The following SART1 variants were observed in gnomAD, a reference collection of about 807,000 sequenced individuals.
SART1 encodes U4/U6.U5 tri-snRNP-associated protein 1.
In SART1, 28 loss-of-function variants were observed where a neutral mutation model predicts 105.0. The observed-to-expected ratio is 0.27, with a 90% CI of 0.20 to 0.37. SART1 has a LOEUF of 0.37. SART1 is among the 10% of genes least tolerant of loss of function. The pLI is 1.00. For synonymous variants in SART1, 472 were observed against 462.9 expected (o/e 1.02, Z -0.25); for missense variants, 894 against 1,106.5 (o/e 0.81, Z 2.72).
Position 65,979,384 on chromosome 11 carries a change from G to A in SART1, c.*354G>A. 3 of 376,038 alleles carry A rather than the reference G, an allele frequency of 8.0e-6. No homozygotes were observed. The highest frequency in any genetic ancestry group is 2.9e-5 in the South Asian group (1 of 35,034). 23.3% of individuals were successfully genotyped at this position (376,038 alleles called of 1,614,324 possible). On this transcript the variant is annotated 3_prime_UTR_variant, in exon 20 of 20. Coordinates refer to ENST00000312397, the MANE Select transcript of SART1 (RefSeq NM_005146.5). ...GGTCACTGTCCTGTAATGTCTCCCGGTCAGGGCAGCCCAGGACTGCCCAGC... is the reference window on the plus strand; with the variant it reads ...GGTCACTGTCCTGTAATGTCTCCCGATCAGGGCAGCCCAGGACTGCCCAGC...
intron 1 of SART1, among the ~76,000 whole-genome samples, chr11:65,962,680 T>C (rs1855171429): frequency 6.6e-6 from 1 of 152,218 alleles, no homozygotes; most frequent in South Asian, 2.1e-4. Flanking sequence ...ATCCGTATTT[T>C]GTAAACATCA....
rs1320173762 is a variant in SART1, at chr11:65,978,250, C to T, written c.2173-350C>T. The T allele has an allele frequency of 4.0e-6, 2 of 497,598 alleles. No individual in the cohort carries two copies. The highest frequency in any genetic ancestry group is 2.2e-5 in the South Asian group (1 of 45,772). The allele number at this position is 497,598 out of a possible 1,614,324, so 30.8% of individuals were successfully genotyped here. ...CCTTCCAGCACTCTCGTAGGCCGCCCGACCGTCCTGCCCTACCACTCAGCT... is the reference window on the plus strand; with the variant it reads ...CCTTCCAGCACTCTCGTAGGCCGCCTGACCGTCCTGCCCTACCACTCAGCT... On this transcript the variant is annotated intron_variant, in intron 17 of 19. Transcript: ENST00000312397. This position sits in a 1 kb window ranked among gnomAD's most constrained non-coding sequence, Gnocchi z 6.8.
In SART1 at chr11:65,967,395, CA is replaced by C. The variant is rs1481732849; in HGVS notation, c.1313+13del. The C allele has an allele frequency of 1.2e-6, 2 of 1,613,834 alleles. No individual in the cohort carries two copies. The highest frequency in any genetic ancestry group is 1.7e-6 in the Non-Finnish European group (2 of 1,179,932). ...GACTTTGGTTCCAGGTGGGCTTGGA[CA>C]CGGTGGTGGGGCGAGATGGCTGGGC... On this transcript the variant is annotated intron_variant, in intron 10 of 19. Transcript: ENST00000312397.
Position 65,978,662 on chromosome 11 carries a change from G to T in SART1, c.2235G>T (p.Arg745=). 1.9e-6 allele frequency: 3 copies of T among 1,599,202 alleles called. No homozygotes were observed. Among genetic ancestry groups the T allele is most frequent in the Non-Finnish European group, 2.6e-6 (3 of 1,173,140 alleles). The part of the protein sequence containing the change: ...GKGSGKMKTE[R]RMKKLDEEAL... Reference sequence around the variant, plus strand: ...GCTCAGGCAAGATGAAGACAGAGCGGCGGATGAAGAAGCTGGACGAGGAGG... The same window carrying T: ...GCTCAGGCAAGATGAAGACAGAGCGTCGGATGAAGAAGCTGGACGAGGAGG... The change falls in exon 18 of 20, where the codon CGG becomes CGT. Residue 745 remains arginine, a synonymous_variant. Transcript: ENST00000312397. The surrounding 1 kb of genome is among the most constrained non-coding windows in gnomAD (Gnocchi z 6.8).
In SART1 at chr11:65,980,035, C is replaced by T. The variant is rs1167163587; in HGVS notation, c.*1005C>T. Among the ~76,000 whole-genome samples, 1 of 152,154 alleles carries T rather than the reference C, an allele frequency of 6.6e-6. No homozygotes were observed. The highest frequency in any genetic ancestry group is 1.9e-4 in the East Asian group (1 of 5,160). ...TGCTGAGGTGGGAGGATCACTTGAA[C>T]CTGGGAGACACAGGCTGCAGTGGGC... On this transcript the variant is annotated 3_prime_UTR_variant, in exon 20 of 20. Coordinates refer to ENST00000312397, the MANE Select transcript of SART1 (RefSeq NM_005146.5).
At position 65,976,603 on chromosome 11, in the gene SART1, C is replaced by CGGCTGGGTG; in HGVS notation, c.1746+42_1747-38dup. 2 of 1,613,530 alleles carry CGGCTGGGTG rather than the reference C, an allele frequency of 1.2e-6. No homozygotes were observed. The highest frequency in any genetic ancestry group is 1.7e-6 in the Non-Finnish European group (2 of 1,179,888). On this transcript the variant is annotated intron_variant, in intron 13 of 19. Coordinates refer to ENST00000312397, the MANE Select transcript of SART1 (RefSeq NM_005146.5). The surrounding 1 kb of genome is among the most constrained non-coding windows in gnomAD (Gnocchi z 5.1). Reference sequence around the variant, plus strand: ...GGGCGGCCCCGCCCTCTGCTTCCCTCGGCTGGGTGGGCTGGCTGGGGCCTG... The same window carrying CGGCTGGGTG: ...GGGCGGCCCCGCCCTCTGCTTCCCTCGGCTGGGTGGGCTGGGTGGGCTGGCTGGGGCCTG...
chr11:65,976,976 G>A lies in SART1; in HGVS notation c.1858-38G>A. On this transcript the variant is annotated intron_variant, in intron 14 of 19. Coordinates refer to ENST00000312397, the MANE Select transcript of SART1 (RefSeq NM_005146.5). This position sits in a 1 kb window ranked among gnomAD's most constrained non-coding sequence, Gnocchi z 5.1. Reference sequence around the variant, plus strand: ...CAGTGGGTGGGGCTGAGAAGAGCCGGTATGGCCTGCTAACCACCCCCGCCA... The same window carrying A: ...CAGTGGGTGGGGCTGAGAAGAGCCGATATGGCCTGCTAACCACCCCCGCCA... The A allele has an allele frequency of 6.5e-7, 1 of 1,532,424 alleles. No homozygotes were observed. The highest frequency in any genetic ancestry group is 9.0e-7 in the Non-Finnish European group (1 of 1,106,104). 94.9% of individuals were successfully genotyped at this position (1,532,424 alleles called of 1,614,324 possible). A position where few individuals can be genotyped will look rare whatever the true frequency, so the allele number is the denominator to read the frequency against.
At chr11:65,965,004 TGAGCTGGAA>T in intron 3 of SART1, 79 bp from the exon 4 acceptor site, 3 of 1,479,644 alleles carry the variant, frequency 2.0e-6, no homozygotes, top group Non-Finnish European at 2.7e-6. Flanking sequence ...TCTGGCCCCC[TGAGCTGGAA>T]GGGGGCAGGG....
chr11:65,967,792 C>T lies in SART1; in HGVS notation c.1543C>T (p.Leu515=). 6.5e-7 allele frequency: 1 copy of T among 1,547,158 alleles called. No homozygotes were observed. The change falls in exon 12 of 20, where the codon CTA becomes TTA. Residue 515 remains leucine, a synonymous_variant. Transcript: ENST00000312397. Reference sequence around the variant, plus strand: ...ACGCCGGCTGCGACAGTTACAGCAGCTACAGCAGCTGCGAGACAGTGGCGA... The same window carrying T: ...ACGCCGGCTGCGACAGTTACAGCAGTTACAGCAGCTGCGAGACAGTGGCGA... ...KGRRLRQLQQ[L]QQLRDSGEKV...
chr11:65,962,164 C>T (rs962409093), intron 1 of SART1, 71 bp downstream of exon 1: 2 of 1,148,150 alleles, frequency 1.7e-6, no homozygotes, highest in Non-Finnish European at 2.3e-6. Flanking sequence ...TGGGTGTGCG[C>T]GCAGTGTCAG....
chr11:65,979,158 G>T lies in SART1; in HGVS notation c.*128G>T, dbSNP rs1175919746. On this transcript the variant is annotated 3_prime_UTR_variant, in exon 20 of 20. Transcript: ENST00000312397. ...TTGGTTGGGTGTGGCACAGAGTCTG[G>T]CTCCTGCTAGGTGAGACCTGGCCAT... The T allele has an allele frequency of 1.4e-5, 17 of 1,243,342 alleles. No homozygotes were observed. The highest frequency in any genetic ancestry group is 2.0e-5 in the Non-Finnish European group (17 of 871,702). The allele number at this position is 1,243,342 out of a possible 1,614,324, so 77.0% of individuals were successfully genotyped here. A position where few individuals can be genotyped will look rare whatever the true frequency, so the allele number is the denominator to read the frequency against.
In SART1 at chr11:65,976,293, TGGCCTGTCTG is replaced by T; in HGVS notation, c.1573-100_1573-91del. On this transcript the variant is annotated intron_variant, in intron 12 of 19. Transcript: ENST00000312397. The surrounding 1 kb of genome is among the most constrained non-coding windows in gnomAD (Gnocchi z 5.1). ...GCTGGGCCTGCATGGGCTGTGGGCG[TGGCCTGTCTG>T]GCTGCTGCCAGGGAGGACCCTTAGG... The T allele has an allele frequency of 8.0e-7, 1 of 1,249,984 alleles. No homozygotes were observed. The highest frequency in any genetic ancestry group is 1.5e-5 in the African/African-American group (1 of 66,012). 77.4% of individuals were successfully genotyped at this position (1,249,984 alleles called of 1,614,324 possible).
chr11:65,976,712 G>T lies in SART1; in HGVS notation c.1803G>T (p.Glu601Asp). 6.2e-7 allele frequency: 1 copy of T among 1,613,532 alleles called. No individual in the cohort carries two copies. Among genetic ancestry groups the T allele is most frequent in the Non-Finnish European group, 8.5e-7 (1 of 1,179,868 alleles). ...SANGGSESDG[E>D]ENIGWSTVNL... is the part of the protein sequence containing the mutation. ...ACGGTGGCTCCGAATCTGACGGGGA[G>T]GAGAACATCGGCTGGAGCACGGTGA... Residue 601 changes from glutamate to aspartate, a missense_variant, in exon 14 of 20, where the codon GAG becomes GAT. Coordinates refer to ENST00000312397, the MANE Select transcript of SART1 (RefSeq NM_005146.5). The surrounding 1 kb of genome is among the most constrained non-coding windows in gnomAD (Gnocchi z 5.1).
In SART1 at chr11:65,978,236, T is replaced by A; in HGVS notation, c.2172+337T>A. On this transcript the variant is annotated intron_variant, in intron 17 of 19. Transcript: ENST00000312397. The surrounding 1 kb of genome is among the most constrained non-coding windows in gnomAD (Gnocchi z 6.8). Reference sequence around the variant, plus strand: ...TCCAGCGTCCAGGCCCTTCCAGCACTCTCGTAGGCCGCCCGACCGTCCTGC... The same window carrying A: ...TCCAGCGTCCAGGCCCTTCCAGCACACTCGTAGGCCGCCCGACCGTCCTGC... 4.1e-6 allele frequency: 2 copies of A among 490,330 alleles called. No individual in the cohort carries two copies. The highest frequency in any genetic ancestry group is 2.2e-5 in the South Asian group (1 of 44,832). The allele number at this position is 490,330 out of a possible 1,614,324, so 30.4% of individuals were successfully genotyped here. A position where few individuals can be genotyped will look rare whatever the true frequency, so the allele number is the denominator to read the frequency against.
intron 15 of SART1, 73 bp from the exon 16 acceptor site, chr11:65,977,490 C>T: frequency 7.6e-7 from 1 of 1,309,552 alleles, no homozygotes; most frequent in Non-Finnish European, 1.1e-6. Flanking sequence ...ACAGGGCCTG[C>T]TCTGCCTTCT....
At chr11:65,972,583 C>G (rs865817584) in intron 12 of SART1, among the ~76,000 whole-genome samples, 1 of 152,072 alleles carries the variant, frequency 6.6e-6, no homozygotes, top group East Asian at 1.9e-4. Context: ...AGACCACCCC[C>G]CCTACCAACC....
rs1439544418 is a variant in SART1, at chr11:65,966,418, C to T, written c.1050C>T (p.Arg350=). 1 of 1,613,782 alleles carries T rather than the reference C, an allele frequency of 6.2e-7. No homozygotes were observed. Among genetic ancestry groups the T allele is most frequent in the African/African-American group, 1.3e-5 (1 of 74,948 alleles). Residue 350 remains arginine (R), a synonymous_variant, in exon 9 of 20, where the codon CGC becomes CGT. Transcript: ENST00000312397. ...ELEGERPHSF[R]LEQGGTADGL... ...AAGGGGAGCGGCCACATTCCTTCCG[C>T]TTGGAGCAGGGCGGCACGGCTGATG...
chr11:65,974,807 A>G (rs879543961), intron 12 of SART1, among the ~76,000 whole-genome samples: 7 of 152,120 alleles, frequency 4.6e-5, no homozygotes, highest in Non-Finnish European at 7.4e-5. Flanking sequence ...AGGCCAAGGC[A>G]GGCAAATCAC....
At chr11:65,974,656 G>C (rs1855447410) in intron 12 of SART1, among the ~76,000 whole-genome samples, 1 of 152,138 alleles carries the variant, frequency 6.6e-6, no homozygotes, top group Admixed American at 6.6e-5. Context: ...TCCAGCATGG[G>C]TGATAGAGTG....
Sources: allele counts gnomAD v4.1 joint callset (sites outside exome capture counted in the v4.1 genomes callset), GRCh38; gene constraint gnomAD v4.1.1; non-coding constraint Gnocchi (gnomAD v3.1); transcripts MANE v1.5; gene names NCBI Gene and HGNC (gene_info 2026-07-23, HGNC 2026-07-21).